The following RABGAP1L variants were observed in gnomAD, a reference collection of about 807,000 sequenced individuals.
The protein encoded by RABGAP1L is rab GTPase-activating protein 1-like.
A neutral mutation model predicts 137.7 loss-of-function variants in RABGAP1L; 63 were observed. The ratio of observed to expected loss-of-function variants is 0.46; its 90% CI spans 0.37 to 0.56. The LOEUF is 0.56. Among genes scored for constraint, RABGAP1L ranks in the 20% least tolerant of loss-of-function variants. The probability of loss-of-function intolerance (pLI) is 0.00; values close to 1 mark genes in which losing one functional copy is unlikely to be tolerated. For missense variants in RABGAP1L, 1,095 were observed against 1,244.0 expected, an observed-to-expected ratio of 0.88 and a Z score of 1.80; for synonymous variants, 431 against 433.7, an observed-to-expected ratio of 0.99 and a Z score of 0.08.
At chr1:174,619,042 G>A (rs553237894) in intron 13 of RABGAP1L, among the ~76,000 whole-genome samples, 1 of 152,312 alleles carries the variant, frequency 6.6e-6, no homozygotes, top group South Asian at 2.1e-4. Flanking sequence ...GGGTATCAGT[G>A]ATGGAAAATC....
intron 19 of RABGAP1L, among the ~76,000 whole-genome samples, chr1:174,948,531 A>AAAAAAAAAAAAAAAAAAAAAAC (rs1553291563): frequency 6.8e-6 from 1 of 147,522 alleles, no homozygotes; most frequent in Non-Finnish European, 1.5e-5. Flanking sequence ...AAAAAAAAAA[A>AAAAAAAAAAAAAAAAAAAAAAC]AGGAGTGTAA....
At chr1:174,727,693 C>CA (rs1298025836) in intron 17 of RABGAP1L, among the ~76,000 whole-genome samples, 2 of 152,032 alleles carry the variant, frequency 1.3e-5, no homozygotes, top group African/African-American at 4.8e-5. Context: ...CTTCACACCA[C>CA]AAAAAAATGA....
At chr1:174,232,103 G>A (rs796565964) in intron 4 of RABGAP1L, among the ~76,000 whole-genome samples, 5 of 152,330 alleles carry the variant, frequency 3.3e-5, no homozygotes, top group African/African-American at 1.2e-4. Context: ...ACTGGAGTGA[G>A]CCATAGATTT....
At chr1:174,376,254 A>C (rs1391037391) in intron 12 of RABGAP1L, among the ~76,000 whole-genome samples, 1 of 151,708 alleles carries the variant, frequency 6.6e-6, no homozygotes, top group Non-Finnish European at 1.5e-5. Flanking sequence ...AAGGAAGGGA[A>C]AGAAGGAAGG....
intron 19 of RABGAP1L, among the ~76,000 whole-genome samples, chr1:174,917,117 G>T (rs1053705479): frequency 6.6e-6 from 1 of 152,056 alleles, no homozygotes; most frequent in Admixed American, 6.5e-5. Flanking sequence ...AATCATGGGG[G>T]CTCCACCCTC....
At chr1:174,681,386 T>C (rs1572788993) in intron 14 of RABGAP1L, among the ~76,000 whole-genome samples, 1 of 152,356 alleles carries the variant, frequency 6.6e-6, no homozygotes, top group East Asian at 1.9e-4. Context: ...GAACTACCGA[T>C]GCACACAACA....
intron 14 of RABGAP1L, among the ~76,000 whole-genome samples, chr1:174,672,805 G>C (rs752011813): frequency 3.3e-5 from 5 of 151,884 alleles, no homozygotes; most frequent in African/African-American, 9.7e-5. Context: ...TTTATACTAC[G>C]GTTGGAGATT....
At chr1:174,199,333 C>T (rs1571506841) in intron 1 of RABGAP1L, among the ~76,000 whole-genome samples, 1 of 151,940 alleles carries the variant, frequency 6.6e-6, no homozygotes, top group East Asian at 1.9e-4. Flanking sequence ...GCTCTACTGC[C>T]CAGGCTGAAG....
At chr1:174,931,146 A>G (rs1663727093) in intron 19 of RABGAP1L, among the ~76,000 whole-genome samples, 2 of 152,206 alleles carry the variant, frequency 1.3e-5, no homozygotes, top group African/African-American at 4.8e-5. Context: ...TTTACAATAT[A>G]CTGTGGGTGA....
At chr1:174,503,252 A>G (rs1489486647) in intron 13 of RABGAP1L, among the ~76,000 whole-genome samples, 1 of 152,242 alleles carries the variant, frequency 6.6e-6, no homozygotes, top group Non-Finnish European at 1.5e-5. Context: ...TATGGCAGAG[A>G]TGAATTGTCA....
intron 11 of RABGAP1L, among the ~76,000 whole-genome samples, chr1:174,354,975 A>G (rs561521935): frequency 3.9e-5 from 6 of 152,244 alleles, no homozygotes; most frequent in African/African-American, 1.4e-4. Flanking sequence ...GGTTGTAGAT[A>G]AGGATGTGGA....
intron 19 of RABGAP1L, chr1:174,877,329 G>GC (rs1389025291): frequency 1.5e-6 from 2 of 1,346,788 alleles, no homozygotes; most frequent in East Asian, 2.5e-5. Flanking sequence ...GATAGCAGCC[G>GC]CTTTTTTTTT....
At chr1:174,815,634 G>T (rs189587559) in intron 19 of RABGAP1L, among the ~76,000 whole-genome samples, 5 of 152,132 alleles carry the variant, frequency 3.3e-5, no homozygotes, top group Non-Finnish European at 5.9e-5. Context: ...AAAATAACTT[G>T]TTAGCTCTGT....
intron 13 of RABGAP1L, among the ~76,000 whole-genome samples, chr1:174,400,836 A>G (rs1648490005): frequency 6.6e-6 from 1 of 152,156 alleles, no homozygotes. Flanking sequence ...TAGGATAGAC[A>G]GTAATATTGA....
chr1:174,470,513 T>G (rs1307282541), intron 13 of RABGAP1L, among the ~76,000 whole-genome samples: 14 of 152,186 alleles, frequency 9.2e-5, no homozygotes, highest in Admixed American at 9.2e-4. Flanking sequence ...AGGCCTGTAA[T>G]CCTAGCACTT....
intron 13 of RABGAP1L, among the ~76,000 whole-genome samples, chr1:174,619,379 C>G (rs550938282): frequency 6.6e-6 from 1 of 152,196 alleles, no homozygotes; most frequent in Non-Finnish European, 1.5e-5. Context: ...ATGTTAAGGG[C>G]AGCCAGAGAG....
chr1:174,843,260 G>T (rs999170116), intron 19 of RABGAP1L, among the ~76,000 whole-genome samples: 1 of 146,390 alleles, frequency 6.8e-6, no homozygotes, highest in African/African-American at 2.5e-5. Flanking sequence ...AAGTTTTAGG[G>T]TACATGTGCA....
intron 13 of RABGAP1L, among the ~76,000 whole-genome samples, chr1:174,496,341 G>A (rs1660731014): frequency 6.6e-6 from 1 of 152,164 alleles, no homozygotes; most frequent in South Asian, 2.1e-4. Context: ...GAAACAGGGA[G>A]GTATTGACAG....
intron 1 of RABGAP1L, among the ~76,000 whole-genome samples, chr1:174,181,699 C>T (rs751155779): frequency 9.2e-5 from 14 of 152,094 alleles, no homozygotes; most frequent in Non-Finnish European, 1.8e-4. Flanking sequence ...TGGAATCAAG[C>T]CCCCACAGAT....
Sources: allele counts gnomAD v4.1 joint callset (sites outside exome capture counted in the v4.1 genomes callset), GRCh38; gene constraint gnomAD v4.1.1; transcripts MANE v1.5; gene names NCBI Gene and HGNC (gene_info 2026-07-23, HGNC 2026-07-21).